Variants in KCND2 observed in about 807,000 individuals in gnomAD.
The protein encoded by KCND2 is potassium voltage-gated channel subfamily D member 2.
A neutral mutation model predicts 54.4 loss-of-function variants in KCND2; 16 were observed. The ratio of observed to expected loss-of-function variants is 0.29; its 90% CI spans 0.20 to 0.45. The LOEUF (loss-of-function observed/expected upper bound fraction) is 0.45. Ranked by LOEUF, KCND2 falls within the 20% of genes least tolerant of loss-of-function variation. The pLI, the probability that KCND2 is intolerant of heterozygous loss-of-function variation, is 1.00. For synonymous variants in KCND2, 317 were observed against 310.7 expected (o/e 1.02, Z -0.21); for missense variants, 486 against 824.2 (o/e 0.59, Z 5.02).
At chr7:120,681,565 C>A (rs2116589906) in intron 1 of KCND2, among the ~76,000 whole-genome samples, 1 of 151,878 alleles carries the variant, frequency 6.6e-6, no homozygotes, top group Non-Finnish European at 1.5e-5. Flanking sequence ...TATATATATT[C>A]ACCAACCACA....
At chr7:120,440,289 T>C (rs1434250211) in intron 1 of KCND2, among the ~76,000 whole-genome samples, 3 of 152,064 alleles carry the variant, frequency 2.0e-5, no homozygotes, top group Admixed American at 6.6e-5. Context: ...TATATCTTCT[T>C]TGGATAAAAG....
chr7:120,599,589 T>G (rs1792789035), intron 1 of KCND2, among the ~76,000 whole-genome samples: 1 of 152,094 alleles, frequency 6.6e-6, no homozygotes, highest in Non-Finnish European at 1.5e-5. Flanking sequence ...ATTTTGGTGC[T>G]GTTTGAATAT....
At chr7:120,479,579 T>C (rs146897594) in intron 1 of KCND2, among the ~76,000 whole-genome samples, 4,210 of 151,702 alleles carry the variant, frequency 0.028, 89 homozygotes, top group Non-Finnish European at 0.046. Context: ...AAATGGTGTT[T>C]TCTTTACCTT....
At chr7:120,731,984 T>G (rs769463616) in intron 1 of KCND2, among the ~76,000 whole-genome samples, 2 of 152,122 alleles carry the variant, frequency 1.3e-5, no homozygotes, top group East Asian at 1.9e-4. Flanking sequence ...AATTTAAATT[T>G]TAATGGGCTC....
chr7:120,345,809 C>G (rs764544253), intron 1 of KCND2, among the ~76,000 whole-genome samples: 13 of 152,186 alleles, frequency 8.5e-5, no homozygotes, highest in Non-Finnish European at 1.9e-4. Context: ...ATGAACATAA[C>G]TGCACAAACA....
chr7:120,380,035 C>A (rs1301248105), intron 1 of KCND2, among the ~76,000 whole-genome samples: 1 of 151,866 alleles, frequency 6.6e-6, no homozygotes, highest in East Asian at 1.9e-4. Context: ...TATGATATAT[C>A]AAATAAATTG....
chr7:120,420,741 GA>G (rs1801599227), intron 1 of KCND2, among the ~76,000 whole-genome samples: 1 of 151,966 alleles, frequency 6.6e-6, no homozygotes, highest in African/African-American at 2.4e-5. Context: ...AGGTAAGAGG[GA>G]AAAAAATTAA....
intron 1 of KCND2, among the ~76,000 whole-genome samples, chr7:120,326,378 G>T (rs1799978269): frequency 6.6e-6 from 1 of 152,004 alleles, no homozygotes. Context: ...CAAACAGGCA[G>T]ACATTTCTGG....
At chr7:120,563,595 T>G (rs948816030) in intron 1 of KCND2, among the ~76,000 whole-genome samples, 1 of 152,202 alleles carries the variant, frequency 6.6e-6, no homozygotes, top group Non-Finnish European at 1.5e-5. Context: ...CATCAACAGA[T>G]GGAAGCTCAA....
chr7:120,368,296 G>T (rs1205663345), intron 1 of KCND2, among the ~76,000 whole-genome samples: 1 of 151,876 alleles, frequency 6.6e-6, no homozygotes, highest in Non-Finnish European at 1.5e-5. Flanking sequence ...AGGATAAGAT[G>T]GAGAGTTTTT....
At chr7:120,360,632 G>C (rs112911792) in intron 1 of KCND2, among the ~76,000 whole-genome samples, 1 of 152,028 alleles carries the variant, frequency 6.6e-6, no homozygotes, top group Admixed American at 6.6e-5. Flanking sequence ...ATCTGATTTA[G>C]ATAATTTGGG....
intron 1 of KCND2, among the ~76,000 whole-genome samples, chr7:120,431,285 G>A (rs1801784721): frequency 2.0e-5 from 3 of 152,172 alleles, no homozygotes; most frequent in Admixed American, 2.0e-4. Context: ...TAGGCTCTAG[G>A]TACACAGAAA....
intron 1 of KCND2, among the ~76,000 whole-genome samples, chr7:120,413,409 T>G (rs1801478453): frequency 6.6e-6 from 1 of 152,032 alleles, no homozygotes; most frequent in South Asian, 2.1e-4. Context: ...TGTTCACCTA[T>G]GTCTACCTTT....
intron 1 of KCND2, among the ~76,000 whole-genome samples, chr7:120,484,168 CG>C (rs1289203005): frequency 6.6e-6 from 1 of 152,020 alleles, no homozygotes; most frequent in Non-Finnish European, 1.5e-5. Flanking sequence ...ATAGGAAATG[CG>C]GGCAGGACTC....
At chr7:120,707,990 G>GT (rs1463015833) in intron 1 of KCND2, among the ~76,000 whole-genome samples, 4 of 151,780 alleles carry the variant, frequency 2.6e-5, no homozygotes, top group African/African-American at 9.7e-5. Context: ...GATACAAGAG[G>GT]TTTTTTCAGG....
At chr7:120,478,785 G>A (rs576272794) in intron 1 of KCND2, among the ~76,000 whole-genome samples, 1 of 152,166 alleles carries the variant, frequency 6.6e-6, no homozygotes, top group South Asian at 2.1e-4. Context: ...GAGGGACAGG[G>A]TCTTTTATCT....
chr7:120,361,780 G>T (rs1360488555), intron 1 of KCND2, among the ~76,000 whole-genome samples: 1 of 152,080 alleles, frequency 6.6e-6, no homozygotes. Flanking sequence ...TGTAATGAGA[G>T]AACGTGGTTG....
chr7:120,722,844 T>C (rs1792685604), intron 1 of KCND2, among the ~76,000 whole-genome samples: 1 of 152,170 alleles, frequency 6.6e-6, no homozygotes. Context: ...CCAGCTTCTC[T>C]GTCTTCCCCT....
chr7:120,406,748 A>G, intron 1 of KCND2, among the ~76,000 whole-genome samples: 1 of 151,988 alleles, frequency 6.6e-6, no homozygotes, highest in South Asian at 2.1e-4. Flanking sequence ...TAGGATTAAG[A>G]AGTGTGAGAA....
Sources: allele counts gnomAD v4.1 joint callset (sites outside exome capture counted in the v4.1 genomes callset), GRCh38; gene constraint gnomAD v4.1.1; transcripts MANE v1.5; gene names NCBI Gene and HGNC (gene_info 2026-07-23, HGNC 2026-07-21).